RAPGEF6: variants seen among roughly 807,000 people sequenced by gnomAD.
RAPGEF6 encodes the protein PDZ domain containing guanine nucleotide exchange factor (GEF) 2.
A neutral mutation model predicts 171.4 loss-of-function variants in RAPGEF6; 56 were observed. The ratio of observed to expected loss-of-function variants is 0.33; its 90% confidence interval spans 0.26 to 0.41. The LOEUF (loss-of-function observed/expected upper bound fraction) is 0.41. RAPGEF6 is among the 10% of genes least tolerant of loss of function. The pLI, the probability that RAPGEF6 is intolerant of heterozygous loss-of-function variation, is 1.00. For synonymous variants in RAPGEF6, 692 were observed against 650.1 expected (o/e 1.06, Z -0.98); for missense variants, 1,674 against 1,921.4 (o/e 0.87, Z 2.41).
At chr5:131,438,990 A>T (rs1411187332) in intron 24 of RAPGEF6, among the ~76,000 whole-genome samples, 2 of 152,032 alleles carry the variant, frequency 1.3e-5, no homozygotes, top group Non-Finnish European at 2.9e-5. Context: ...TGGCATGATC[A>T]CAGCTCACTG....
chr5:131,466,095 C>CAAAA (rs769107975), intron 17 of RAPGEF6, among the ~76,000 whole-genome samples: 1 of 50,880 alleles, frequency 2.0e-5, no homozygotes, highest in African/African-American at 6.4e-5. Context: ...GACTGAGGAC[C>CAAAA]AAAAAAAAAA....
At chr5:131,577,190 G>T (rs1387879274) in intron 4 of RAPGEF6, among the ~76,000 whole-genome samples, 1 of 152,082 alleles carries the variant, frequency 6.6e-6, no homozygotes, top group Non-Finnish European at 1.5e-5. Context: ...GTCCGATAAC[G>T]GACCGGCCTT....
chr5:131,488,509 C>T (rs1177845116), intron 15 of RAPGEF6, among the ~76,000 whole-genome samples: 1 of 151,932 alleles, frequency 6.6e-6, no homozygotes, highest in African/African-American at 2.4e-5. Flanking sequence ...GTCGAAACTC[C>T]AGGAAATCAA....
At chr5:131,462,809 T>C (rs1448941391) in intron 18 of RAPGEF6, among the ~76,000 whole-genome samples, 1 of 152,246 alleles carries the variant, frequency 6.6e-6, no homozygotes, top group Non-Finnish European at 1.5e-5. Flanking sequence ...TCTTTTCTAA[T>C]AATCCAACTT....
chr5:131,437,169 GT>G (rs1466192163), intron 24 of RAPGEF6, among the ~76,000 whole-genome samples: 4 of 152,194 alleles, frequency 2.6e-5, no homozygotes, highest in African/African-American at 7.2e-5. Flanking sequence ...AGCTGAAACA[GT>G]TTTGAAGAGA....
chr5:131,531,661 T>C (rs1043635098), intron 6 of RAPGEF6, among the ~76,000 whole-genome samples: 7 of 152,310 alleles, frequency 4.6e-5, no homozygotes, highest in South Asian at 2.1e-4. Flanking sequence ...CTTTGTAAAA[T>C]AGCACAATTC....
intron 16 of RAPGEF6, among the ~76,000 whole-genome samples, chr5:131,474,779 A>AT (rs1209840009): frequency 1.3e-5 from 2 of 152,176 alleles, no homozygotes; most frequent in East Asian, 1.9e-4. Flanking sequence ...GAAAATAAAG[A>AT]TTTTTTAAAA....
intron 1 of RAPGEF6, among the ~76,000 whole-genome samples, chr5:131,607,978 T>A (rs1764710443): frequency 6.6e-6 from 1 of 152,144 alleles, no homozygotes; most frequent in Non-Finnish European, 1.5e-5. Context: ...GAAGTAAAGA[T>A]CCACCTGAAA....
At position 131,566,733 on chromosome 5, in the gene RAPGEF6, TTC is replaced by T. The variant is rs1761964611; in HGVS notation, c.282-4688_282-4687del. Among the ~76,000 whole-genome samples the T allele has an allele frequency of 3.3e-5, 5 of 151,432 alleles. No individual in the cohort carries two copies. In the South Asian group the frequency reaches 8.3e-4, roughly 25 times the overall value. Reference sequence around the variant, plus strand: ...TTCTCTCTGTACTCAAAGTTTCTTTTTCTTTTTTTTTTTTGAGCCTTTTTTTG... The same window carrying T: ...TTCTCTCTGTACTCAAAGTTTCTTTTTTTTTTTTTTTTGAGCCTTTTTTTG... On this transcript the variant is annotated intron_variant, in intron 4 of 27. Transcript: ENST00000509018.
intron 1 of RAPGEF6, among the ~76,000 whole-genome samples, chr5:131,628,980 G>A (rs1580704442): frequency 6.6e-6 from 1 of 152,150 alleles, no homozygotes; most frequent in Non-Finnish European, 1.5e-5. Context: ...AGGTACACAA[G>A]GAGATTAGTG....
intron 4 of RAPGEF6, among the ~76,000 whole-genome samples, chr5:131,580,376 C>A (rs536579646): frequency 2.0e-5 from 3 of 152,246 alleles, no homozygotes; most frequent in Admixed American, 6.5e-5. Flanking sequence ...GCTGGCCGCA[C>A]GAGCGCTGAG....
intron 1 of RAPGEF6, among the ~76,000 whole-genome samples, chr5:131,627,476 A>G (rs1023436112): frequency 6.6e-6 from 1 of 152,234 alleles, no homozygotes; most frequent in African/African-American, 2.4e-5. Flanking sequence ...TCATCATTTA[A>G]TATGTGCAAA....
intron 26 of RAPGEF6, among the ~76,000 whole-genome samples, chr5:131,430,137 A>G (rs1464349862): frequency 6.6e-6 from 1 of 152,110 alleles, no homozygotes; most frequent in African/African-American, 2.4e-5. Flanking sequence ...AAATCAGCAC[A>G]TTTCACCTTC....
At chr5:131,607,141 C>T (rs75619758) in intron 1 of RAPGEF6, among the ~76,000 whole-genome samples, 5 of 152,230 alleles carry the variant, frequency 3.3e-5, no homozygotes, top group African/African-American at 1.2e-4. Context: ...TGGTAAAAGC[C>T]GTCACAATGG....
intron 6 of RAPGEF6, among the ~76,000 whole-genome samples, chr5:131,525,008 T>A (rs1309302051): frequency 6.6e-6 from 1 of 152,216 alleles, no homozygotes; most frequent in Non-Finnish European, 1.5e-5. Flanking sequence ...ATGCAATTAT[T>A]ATTTGTGAAT....
At chr5:131,503,742 G>A (rs947875285) in intron 11 of RAPGEF6, among the ~76,000 whole-genome samples, 2 of 152,200 alleles carry the variant, frequency 1.3e-5, no homozygotes, top group African/African-American at 4.8e-5. Flanking sequence ...AAAAGGAGGT[G>A]AGAAGGCAAG....
At chr5:131,519,085 T>G (rs1758297107) in intron 7 of RAPGEF6, among the ~76,000 whole-genome samples, 1 of 152,178 alleles carries the variant, frequency 6.6e-6, no homozygotes, top group African/African-American at 2.4e-5. Flanking sequence ...GATGGAAATA[T>G]TCTACATATT....
At chr5:131,592,848 G>T (rs1763673679) in intron 3 of RAPGEF6, among the ~76,000 whole-genome samples, 1 of 152,068 alleles carries the variant, frequency 6.6e-6, no homozygotes, top group Non-Finnish European at 1.5e-5. Context: ...GAAAACAGAA[G>T]AATTGTATCA....
chr5:131,633,099 C>T (rs1766415734), intron 1 of RAPGEF6, among the ~76,000 whole-genome samples: 1 of 152,094 alleles, frequency 6.6e-6, no homozygotes, highest in African/African-American at 2.4e-5. Context: ...TTTGGGAGGC[C>T]GAGGCGAGCG....
Sources: allele counts gnomAD v4.1 joint callset (sites outside exome capture counted in the v4.1 genomes callset), GRCh38; gene constraint gnomAD v4.1.1; transcripts MANE v1.5; gene names NCBI Gene and HGNC (gene_info 2026-07-23, HGNC 2026-07-21).